The following LINC00305 variants were observed in gnomAD, a reference collection of about 807,000 sequenced individuals.
The protein encoded by LINC00305 is long independently transcribed non-coding RNA 305.
chr18:64,087,940 A>C (rs562220556), intron 3 of LINC00305, among the ~76,000 whole-genome samples: 12 of 152,062 alleles, frequency 7.9e-5, no homozygotes, highest in East Asian at 3.9e-4. Flanking sequence ...AACTACAAAA[A>C]AAAACAAAAC....
chr18:64,083,164 A>T (rs969078305), intron 3 of LINC00305, among the ~76,000 whole-genome samples: 9 of 152,184 alleles, frequency 5.9e-5, no homozygotes, highest in East Asian at 1.9e-4. Context: ...TAAATATTTT[A>T]AAAATGACCT....
At chr18:64,102,714 C>T (rs1914336) in intron 1 of LINC00305, among the ~76,000 whole-genome samples, 39,343 of 151,948 alleles carry the variant, frequency 0.26, 6,149 homozygotes, top group South Asian at 0.47. Context: ...AGAATCATGG[C>T]GGAGGGCAAA....
At chr18:64,142,790 G>A (rs1427993229) in intron 1 of LINC00305, among the ~76,000 whole-genome samples, 1 of 152,116 alleles carries the variant, frequency 6.6e-6, no homozygotes, top group African/African-American at 2.4e-5. Flanking sequence ...ATGTAGTAGA[G>A]AGTAGTTGAA....
chr18:64,122,535 C>G (rs992531601), intron 1 of LINC00305, among the ~76,000 whole-genome samples: 1 of 151,950 alleles, frequency 6.6e-6, no homozygotes, highest in Non-Finnish European at 1.5e-5. Flanking sequence ...TTTTGTTCCA[C>G]CAATCTATGT....
At chr18:64,080,312 C>G (rs557659448) in exon 4 of LINC00305, 42 of 457,470 alleles carry the variant, frequency 9.2e-5, no homozygotes, top group Non-Finnish European at 1.3e-4. Flanking sequence ...TTAGTGATCT[C>G]CTTTCCTCTT....
intron 1 of LINC00305, among the ~76,000 whole-genome samples, chr18:64,099,997 C>T (rs1018318457): frequency 5.9e-5 from 9 of 152,134 alleles, no homozygotes; most frequent in Non-Finnish European, 1.2e-4. Flanking sequence ...TTACAGTTTG[C>T]AACTGAATTA....
intron 1 of LINC00305, among the ~76,000 whole-genome samples, chr18:64,113,059 G>T (rs761097156): frequency 6.6e-6 from 1 of 152,174 alleles, no homozygotes; most frequent in Non-Finnish European, 1.5e-5. Context: ...TGAGTATATT[G>T]CAGAGTTTGC....
intron 1 of LINC00305, among the ~76,000 whole-genome samples, chr18:64,142,552 C>T (rs770629682): frequency 3.3e-5 from 5 of 152,150 alleles, no homozygotes; most frequent in Non-Finnish European, 7.4e-5. Flanking sequence ...CAAATACAAG[C>T]ATGAATTAGT....
intron 1 of LINC00305, among the ~76,000 whole-genome samples, chr18:64,110,010 G>A (rs2051308387): frequency 6.6e-6 from 1 of 152,042 alleles, no homozygotes; most frequent in Non-Finnish European, 1.5e-5. Flanking sequence ...TATCATTAGT[G>A]TGTTTTATGT....
chr18:64,096,081 A>G (rs868487786), intron 3 of LINC00305, among the ~76,000 whole-genome samples: 1 of 152,068 alleles, frequency 6.6e-6, no homozygotes, highest in African/African-American at 2.4e-5. Flanking sequence ...TGCTACTTAA[A>G]AGAGTTTATT....
intron 3 of LINC00305, among the ~76,000 whole-genome samples, chr18:64,088,668 T>C (rs1443041903): frequency 1.3e-5 from 2 of 152,242 alleles, no homozygotes; most frequent in Non-Finnish European, 2.9e-5. Context: ...TGAGGACAAC[T>C]GAACTATGTC....
Position 64,144,530 on chromosome 18 carries a change from C to T in LINC00305, n.314+4245G>A, listed in dbSNP as rs573655963. On this transcript the variant is annotated intron_variant and non_coding_transcript_variant, in intron 1 of 3. Transcript: ENST00000666468. ...ATTAATGATTAATTTTTTTTTGAGA[C>T]GGAATTTTGCTTTTGTTGCCCAGGC... Among the ~76,000 whole-genome samples, 41 of 151,488 alleles carry T rather than the reference C, an allele frequency of 2.7e-4. 1 individual carries two copies. The South Asian group carries it at 2.7e-3, about 10-fold the overall frequency.
At chr18:64,082,689 T>A (rs1222203003) in intron 3 of LINC00305, among the ~76,000 whole-genome samples, 1 of 152,220 alleles carries the variant, frequency 6.6e-6, no homozygotes, top group Admixed American at 6.5e-5. Flanking sequence ...GTTCCCTCTT[T>A]CACCTGCACA....
chr18:64,100,042 G>A (rs984696842), intron 1 of LINC00305, among the ~76,000 whole-genome samples: 3 of 152,052 alleles, frequency 2.0e-5, no homozygotes, highest in Admixed American at 1.3e-4. Context: ...ACCCTACTTC[G>A]ACATAGCACA....
At position 64,113,443 on chromosome 18, in the gene LINC00305, T is replaced by C. The variant is rs1451206682; in HGVS notation, n.315-14803A>G. On this transcript the variant is annotated intron_variant and non_coding_transcript_variant, in intron 1 of 3. Transcript: ENST00000666468. ...TATTTTCCTTGATTTGACTATTTCT[T>C]TCAAGTTCAAAATTTCTGCCCTCCA... Among the ~76,000 whole-genome samples the C allele has an allele frequency of 2.0e-5, 3 of 152,236 alleles. No homozygotes were observed. In the East Asian group the frequency reaches 5.8e-4, roughly 29 times the overall value.
intron 1 of LINC00305, among the ~76,000 whole-genome samples, chr18:64,129,055 C>G (rs2051398062): frequency 6.6e-6 from 1 of 152,098 alleles, no homozygotes; most frequent in Admixed American, 6.6e-5. Context: ...TCCATTTTCT[C>G]TTATTACAGA....
chr18:64,105,667 G>A (rs1174020489), intron 1 of LINC00305, among the ~76,000 whole-genome samples: 1 of 152,118 alleles, frequency 6.6e-6, no homozygotes, highest in Non-Finnish European at 1.5e-5. Flanking sequence ...GGGATAGGGT[G>A]GCAATGGTGC....
intron 1 of LINC00305, among the ~76,000 whole-genome samples, chr18:64,148,533 C>T (rs558978487): frequency 2.0e-5 from 3 of 152,058 alleles, no homozygotes; most frequent in Admixed American, 1.3e-4. Context: ...ACAAGGTTCC[C>T]TTTCTCTAGG....
chr18:64,141,055 A>T (rs2051460451), intron 1 of LINC00305, among the ~76,000 whole-genome samples: 3 of 107,440 alleles, frequency 2.8e-5, no homozygotes, highest in African/African-American at 8.2e-5. Context: ...TGAATGATAA[A>T]AAAAAAAAAA....
Sources: gnomAD v4.1 joint callset for allele counts (sites outside exome capture counted in the v4.1 genomes callset) on GRCh38, gnomAD v4.1.1 for gene constraint, MANE v1.5 for transcripts, NCBI Gene and HGNC (gene_info 2026-07-23, HGNC 2026-07-21) for gene names.